Variants in CYP4F12 observed in about 807,000 individuals in gnomAD.
CYP4F12 encodes the protein cytochrome P450 family 4 subfamily F member 12.
Under a neutral mutation model 56.5 loss-of-function variants are expected in CYP4F12, and 60 were observed. The ratio of observed to expected loss-of-function variants is 1.06; its 90% confidence interval spans 0.86 to 1.32. The LOEUF (loss-of-function observed/expected upper bound fraction) is 1.32, where lower values mean the gene tolerates loss of function less well. CYP4F12 is among the 40% of genes most tolerant of loss of function. The pLI, the probability that CYP4F12 is intolerant of heterozygous loss-of-function variation, is 0.00. For missense variants in CYP4F12, 711 were observed against 683.5 expected (o/e 1.04, Z -0.45); for synonymous variants, 263 against 264.9 (o/e 0.99, Z 0.07).
In CYP4F12 at chr19:15,683,636, A is replaced by G. The variant is rs199640637; in HGVS notation, c.791A>G (p.His264Arg). The G allele has an allele frequency of 5.6e-6, 9 of 1,614,098 alleles. No individual in the cohort carries two copies. Among genetic ancestry groups the G allele is most frequent in the South Asian group, 3.3e-5 (3 of 91,076 alleles). The change falls in exon 7 of 13, where the codon CAT (histidine) becomes CGT (arginine). Residue 264 changes from histidine (H) to arginine (R), a missense_variant. Physicochemically the swap from His to Arg is conservative, Grantham distance 29 (BLOSUM62 0). Transcript: ENST00000550308. ...TTCCACAGGGCCTGCCGCCTGGTGCATGACTTCACAGACGCTGTCATCCGG... is the reference window on the plus strand; with the variant it reads ...TTCCACAGGGCCTGCCGCCTGGTGCGTGACTTCACAGACGCTGTCATCCGG... ...RRFHRACRLV[H>R]DFTDAVIRER...
At chr19:15,692,353 G>C (rs1025762424) in intron 9 of CYP4F12, among the ~76,000 whole-genome samples, 1 of 152,058 alleles carries the variant, frequency 6.6e-6, no homozygotes, top group African/African-American at 2.4e-5. Context: ...ATGAAATACA[G>C]AGATTTCATG....
rs756289939 is a variant in CYP4F12 at position 15,696,203 on chromosome 19, C to A, written c.1292C>A (p.Pro431Gln). 10 of 1,614,012 alleles carry A rather than the reference C, an allele frequency of 6.2e-6. No individual in the cohort carries two copies. In the African/African-American group the frequency reaches 1.1e-4, roughly 17 times the overall value. Residue 431 changes from proline (P) to glutamine (Q), a missense_variant, in exon 11 of 13, where the codon CCA becomes CAA. Pro to Gln is a moderately conservative substitution (Grantham distance 76, BLOSUM62 -1). Transcript: ENST00000550308. ...LIDIIGVHHN[P>Q]TVWPDPEVYD... is the part of the protein sequence containing the mutation. ...GATATTATAGGGGTCCATCACAACC[C>A]AACTGTGTGGCCGGATCCTGAGGTG...
At chr19:15,677,777 C>T (rs111219939) in intron 2 of CYP4F12, among the ~76,000 whole-genome samples, 313 of 1,956 alleles carry the variant, frequency 0.16, 119 homozygotes, top group East Asian at 0.79. Flanking sequence ...CTTCTCCTCA[C>T]TCATTCCTTC....
At chr19:15,696,106 G>C in intron 10 of CYP4F12, 37 bp downstream of exon 10, 1 of 1,610,690 alleles carries the variant, frequency 6.2e-7, no homozygotes, top group Non-Finnish European at 8.5e-7. Flanking sequence ...CTCCCGGGTA[G>C]GAAGATGGTT....
chr19:15,695,285 T>C (rs932516004), intron 9 of CYP4F12, among the ~76,000 whole-genome samples: 3 of 134,880 alleles, frequency 2.2e-5, no homozygotes, highest in Non-Finnish European at 1.5e-5. Flanking sequence ...TTCTCACTCA[T>C]AGGTGGGAAT....
rs1163491342 is a variant in CYP4F12 at position 15,682,404 on chromosome 19, C to T, written c.541C>T (p.Leu181=). Residue 181 remains leucine, a synonymous_variant, in exon 6 of 13, where the codon CTG becomes TTG. Coordinates refer to ENST00000550308, the MANE Select transcript of CYP4F12 (RefSeq NM_023944.4). ...ANIMLDKWQH[L]ASEGSSRLDM... ...CTCTGGCCAGGACAAGTGGCAGCAC[C>T]TGGCCTCAGAGGGCAGCAGTCGTCT... 6.2e-7 allele frequency: 1 copy of T among 1,613,156 alleles called. No homozygotes were observed.
chr19:15,690,678 A>G (rs969916943), intron 9 of CYP4F12, among the ~76,000 whole-genome samples: 7 of 152,238 alleles, frequency 4.6e-5, no homozygotes, highest in Non-Finnish European at 8.8e-5. Flanking sequence ...AAGGCTGACT[A>G]GCATTCCATT....
At chr19:15,673,390 C>T (rs55794585) in intron 1 of CYP4F12, 139 bp from the exon 2 acceptor site, 904,743 of 992,512 alleles carry the variant, frequency 0.91, 410,997 homozygotes, top group East Asian at 1. Flanking sequence ...TTCTGGACTT[C>T]AGATCTCAGC....
At chr19:15,683,809 A>G in intron 7 of CYP4F12, 46 bp downstream of exon 7, 1 of 1,490,924 alleles carries the variant, frequency 6.7e-7, no homozygotes, top group East Asian at 2.4e-5. Context: ...ATAGAGCTTC[A>G]TGTCAAATGT....
intron 9 of CYP4F12, among the ~76,000 whole-genome samples, chr19:15,688,865 C>T (rs1363716078): frequency 3.3e-5 from 5 of 152,220 alleles, no homozygotes; most frequent in African/African-American, 1.2e-4. Flanking sequence ...GGGAAAGACA[C>T]CCTATTCAAT....
Position 15,683,538 on chromosome 19 carries a change from T to C in CYP4F12, c.693T>C (p.Leu231=), listed in dbSNP as rs757947474. 6.2e-7 allele frequency: 1 copy of C among 1,613,130 alleles called. No homozygotes were observed. Among genetic ancestry groups the C allele is most frequent in the Non-Finnish European group, 8.5e-7 (1 of 1,179,628 alleles). ...YIATILELSA[L]VEKRSQHILQ... ...CCACCATCTTGGAGCTCAGTGCCCT[T>C]GTAGAGAAAAGAAGCCAGCATATCC... is the stretch of plus-strand genomic sequence containing the variant. Residue 231 remains leucine (L), a synonymous_variant, in exon 7 of 13, where the codon CTT becomes CTC. Transcript: ENST00000550308.
At chr19:15,688,155 C>T (rs886484464) in intron 9 of CYP4F12, among the ~76,000 whole-genome samples, 13 of 152,180 alleles carry the variant, frequency 8.5e-5, no homozygotes, top group African/African-American at 3.1e-4. Context: ...AAATCCAGTG[C>T]TATGAGTGGA....
chr19:15,693,862 T>C (rs371654493), intron 9 of CYP4F12, among the ~76,000 whole-genome samples: 8,827 of 105,276 alleles, frequency 0.084, 638 homozygotes, highest in African/African-American at 0.16. Flanking sequence ...AATTAATTTT[T>C]GTATAAGGTG....
In CYP4F12 at chr19:15,673,550, C is replaced by G; in HGVS notation, c.21C>G (p.Pro7=). 6.2e-7 allele frequency: 1 copy of G among 1,613,834 alleles called. No homozygotes were observed. MSLLSL[P]WLGLRPVATS... ...GCAGGATGTCGCTGCTGAGCCTGCCCTGGCTGGGCCTCAGACCGGTGGCAA... is the reference window on the plus strand; with the variant it reads ...GCAGGATGTCGCTGCTGAGCCTGCCGTGGCTGGGCCTCAGACCGGTGGCAA... The change falls in exon 2 of 13, where the codon CCC becomes CCG. Residue 7 remains proline (P), a synonymous_variant. Transcript: ENST00000550308.
intron 6 of CYP4F12, among the ~76,000 whole-genome samples, chr19:15,683,190 T>A (rs2007406370): frequency 6.6e-6 from 1 of 151,590 alleles, no homozygotes; most frequent in Admixed American, 6.6e-5. Flanking sequence ...TGTGGACAGT[T>A]TTGGTAAGGA....
rs1424252332 is a variant in CYP4F12 at position 15,678,483 on chromosome 19, G to A, written c.343+78G>A. Reference sequence around the variant, plus strand: ...CTCTGCAGTACCCACGTCCCTCCTTGAGTACTCGTGCCCCTCATTGAGACT... The same window carrying A: ...CTCTGCAGTACCCACGTCCCTCCTTAAGTACTCGTGCCCCTCATTGAGACT... On this transcript the variant is annotated intron_variant, in intron 3 of 12. Coordinates refer to ENST00000550308, the MANE Select transcript of CYP4F12 (RefSeq NM_023944.4). 7.7e-5 allele frequency: 120 copies of A among 1,552,858 alleles called. 1 individual carries two copies. In the East Asian group the frequency reaches 2.6e-3, roughly 34 times the overall value.
chr19:15,687,276 CAA>C (rs11306327), intron 9 of CYP4F12, among the ~76,000 whole-genome samples: 204 of 146,014 alleles, frequency 1.4e-3, no homozygotes, highest in Non-Finnish European at 1.5e-3. Context: ...GACTCTTTCT[CAA>C]AAAAAAAAAA....
chr19:15,677,155 A>ACT (rs1472863270), intron 2 of CYP4F12, among the ~76,000 whole-genome samples: 3 of 70,474 alleles, frequency 4.3e-5, no homozygotes, highest in South Asian at 5.8e-4. Flanking sequence ...TCCTCTACCC[A>ACT]CACTCATTCC....
chr19:15,696,277 T>C, intron 11 of CYP4F12, 52 bp downstream of exon 11: 1 of 1,612,816 alleles, frequency 6.2e-7, no homozygotes, highest in Non-Finnish European at 8.5e-7. Flanking sequence ...CTTTTGTGTG[T>C]GTGTGTGTGA....
Sources: allele counts gnomAD v4.1 joint callset (sites outside exome capture counted in the v4.1 genomes callset), GRCh38; gene constraint gnomAD v4.1.1; transcripts MANE v1.5; gene names NCBI Gene and HGNC (gene_info 2026-07-23, HGNC 2026-07-21).